The following CUL3 variants were observed in gnomAD, a reference collection of about 807,000 sequenced individuals.
CUL3 encodes the protein cullin 3.
A neutral mutation model predicts 89.1 loss-of-function variants in CUL3; 19 were observed. The observed-to-expected ratio is 0.21, with a 90% CI of 0.15 to 0.31. The LOEUF (loss-of-function observed/expected upper bound fraction) is 0.31, where lower values mean the gene tolerates loss of function less well. Among genes scored for constraint, CUL3 ranks in the 10% least tolerant of loss-of-function variants. The pLI, the probability that CUL3 is intolerant of heterozygous loss-of-function variation, is 1.00. For missense variants in CUL3, 469 were observed against 942.3 expected (o/e 0.50, Z 6.58); for synonymous variants, 351 against 308.4 (o/e 1.14, Z -1.45).
chr2:224,529,392 C>T (rs1693602860), intron 3 of CUL3, among the ~76,000 whole-genome samples: 2 of 149,404 alleles, frequency 1.3e-5, no homozygotes, highest in Admixed American at 1.3e-4. Flanking sequence ...CCGAGGTAGG[C>T]AGATCACGAG....
intron 2 of CUL3, among the ~76,000 whole-genome samples, chr2:224,539,637 T>C (rs868570951): frequency 6.6e-6 from 1 of 152,168 alleles, no homozygotes; most frequent in Non-Finnish European, 1.5e-5. Context: ...AGAAATGAGC[T>C]ATTAAGCCAT....
intron 10 of CUL3, 30 bp downstream of exon 10, chr2:224,502,935 A>T (rs1692448051): frequency 6.8e-7 from 1 of 1,470,116 alleles, no homozygotes; most frequent in Non-Finnish European, 9.5e-7. Flanking sequence ...TTACATGAAT[A>T]TCTAAGTAGA....
chr2:224,556,840 C>T (rs370938637), intron 2 of CUL3, among the ~76,000 whole-genome samples: 109 of 151,856 alleles, frequency 7.2e-4, no homozygotes, highest in Middle Eastern at 3.4e-3. Context: ...TAACACATAT[C>T]AATAGAAAAA....
chr2:224,546,377 C>A (rs1694299621), intron 2 of CUL3, among the ~76,000 whole-genome samples: 1 of 152,040 alleles, frequency 6.6e-6, no homozygotes, highest in Admixed American at 6.6e-5. Flanking sequence ...AAGCATATAG[C>A]CCGATAATCA....
At chr2:224,499,511 T>C (rs758056933) in intron 11 of CUL3, 3 of 234,164 alleles carry the variant, frequency 1.3e-5, no homozygotes, top group Non-Finnish European at 1.9e-5. Flanking sequence ...AGGTTAACAG[T>C]TCACCAGTAG....
chr2:224,482,124 A>C (rs1299762336), intron 13 of CUL3, 46 bp from the exon 14 acceptor site: 1 of 1,491,928 alleles, frequency 6.7e-7, no homozygotes, highest in Admixed American at 2.2e-5. Flanking sequence ...TGAAAGATTA[A>C]AGTTAGTTAA....
chr2:224,484,058 C>A (rs1307176988), intron 13 of CUL3, among the ~76,000 whole-genome samples: 1 of 152,078 alleles, frequency 6.6e-6, no homozygotes, highest in Non-Finnish European at 1.5e-5. Flanking sequence ...GTAGTCCCAG[C>A]TACTCATGAG....
chr2:224,574,482 A>G (rs1183500258), intron 1 of CUL3, among the ~76,000 whole-genome samples: 2 of 152,172 alleles, frequency 1.3e-5, no homozygotes, highest in East Asian at 3.9e-4. Context: ...ATTACTAGTG[A>G]TTTTAAAGCA....
intron 3 of CUL3, among the ~76,000 whole-genome samples, chr2:224,525,316 C>T (rs1392684652): frequency 6.6e-6 from 1 of 152,160 alleles, no homozygotes; most frequent in East Asian, 1.9e-4. Context: ...ACTGCAAATT[C>T]AAAGGCTTAA....
chr2:224,512,410 C>T (rs1049180369), intron 5 of CUL3, among the ~76,000 whole-genome samples: 11 of 152,056 alleles, frequency 7.2e-5, no homozygotes, highest in Admixed American at 1.3e-4. Flanking sequence ...CTTTAGCTTC[C>T]TACGAATACA....
chr2:224,527,009 A>G (rs1251409263), intron 3 of CUL3, among the ~76,000 whole-genome samples: 1 of 152,184 alleles, frequency 6.6e-6, no homozygotes, highest in Admixed American at 6.5e-5. Context: ...TTTCCTTGAC[A>G]TAAGGCCTAG....
chr2:224,566,961 A>G (rs1400280253), intron 1 of CUL3, among the ~76,000 whole-genome samples: 1 of 152,176 alleles, frequency 6.6e-6, no homozygotes, highest in Non-Finnish European at 1.5e-5. Context: ...GCAGGTAACC[A>G]CAGCTGCAGA....
At chr2:224,503,625 C>T (rs986008627) in intron 9 of CUL3, 27 bp downstream of exon 9, 2 of 1,526,810 alleles carry the variant, frequency 1.3e-6, no homozygotes, top group African/African-American at 2.8e-5. Flanking sequence ...GTTAGGTGCA[C>T]TCTATTTCAT....
chr2:224,581,508 C>CT (rs1260830752), intron 1 of CUL3, among the ~76,000 whole-genome samples: 2,654 of 138,788 alleles, frequency 0.019, 32 homozygotes, highest in South Asian at 0.037. Context: ...TTTTTCTTTT[C>CT]TTTTTTTTTT....
chr2:224,584,511 G>C (rs1473291542), intron 1 of CUL3, among the ~76,000 whole-genome samples: 1 of 152,082 alleles, frequency 6.6e-6, no homozygotes, highest in East Asian at 1.9e-4. Flanking sequence ...CACCCTAAAA[G>C]CTAGGCTGGG....
At chr2:224,562,733 A>T (rs1459237153) in intron 1 of CUL3, 5 of 152,294 alleles carry the variant, frequency 3.3e-5, no homozygotes, top group Non-Finnish European at 7.3e-5. Context: ...GAACTTATAT[A>T]TCCCAAAACC....
chr2:224,521,433 C>CTTT (rs768599132), intron 3 of CUL3, among the ~76,000 whole-genome samples: 1 of 140,644 alleles, frequency 7.1e-6, no homozygotes. Flanking sequence ...TTTCATACTT[C>CTTT]TTTTTTTTTT....
At chr2:224,502,614 TGAAAA>T (rs1190536407) in intron 10 of CUL3, among the ~76,000 whole-genome samples, 2 of 152,124 alleles carry the variant, frequency 1.3e-5, no homozygotes, top group Non-Finnish European at 2.9e-5. Context: ...TGGGGTAAAG[TGAAAA>T]GAAGAGTACT....
chr2:224,489,816 C>T (rs1474814516), intron 13 of CUL3, among the ~76,000 whole-genome samples: 1 of 152,174 alleles, frequency 6.6e-6, no homozygotes, highest in Admixed American at 6.5e-5. Flanking sequence ...ATGACTAAAA[C>T]ACCAAAAGCA....
Sources: gnomAD v4.1 joint callset for allele counts (sites outside exome capture counted in the v4.1 genomes callset) on GRCh38, gnomAD v4.1.1 for gene constraint, MANE v1.5 for transcripts, NCBI Gene and HGNC (gene_info 2026-07-23, HGNC 2026-07-21) for gene names.